ZNF804B: variants seen among roughly 807,000 people sequenced by gnomAD.
ZNF804B encodes the protein zinc finger protein 804B.
In ZNF804B, 80 loss-of-function variants were observed where a neutral mutation model predicts 101.4. The ratio of observed to expected loss-of-function variants is 0.79; its 90% CI spans 0.66 to 0.95. ZNF804B has a LOEUF of 0.95. ZNF804B is among the 40% of genes least tolerant of loss of function. The pLI is 0.00. For missense variants in ZNF804B, 1,673 were observed against 1,561.9 expected (o/e 1.07, Z -1.20); for synonymous variants, 622 against 558.8 (o/e 1.11, Z -1.59).
At chr7:89,314,487 C>G (rs577747670) in intron 2 of ZNF804B, among the ~76,000 whole-genome samples, 1 of 152,174 alleles carries the variant, frequency 6.6e-6, no homozygotes, top group Non-Finnish European at 1.5e-5. Flanking sequence ...GTCAAGCATT[C>G]TTTGCACATC....
chr7:88,839,929 T>G (rs1562808227), intron 1 of ZNF804B, among the ~76,000 whole-genome samples: 1 of 152,172 alleles, frequency 6.6e-6, no homozygotes, highest in African/African-American at 2.4e-5. Flanking sequence ...ACTGGGACTA[T>G]TTTTAGTTTG....
chr7:89,054,725 T>G (rs1264555979), intron 1 of ZNF804B, among the ~76,000 whole-genome samples: 1 of 152,110 alleles, frequency 6.6e-6, no homozygotes, highest in Non-Finnish European at 1.5e-5. Flanking sequence ...TATTTATTTA[T>G]TTTTGGAGTG....
Position 89,336,659 on chromosome 7 carries a change from A to G in ZNF804B, c.3677A>G (p.His1226Arg), listed in dbSNP as rs898952424. ...HFAVSASLSSHSSHLPIAHLH... is the reference protein window; with the variant it reads ...HFAVSASLSSRSSHLPIAHLH... ...GCTGTTTCTGCTTCCTTAAGTTCTCATAGCAGTCACCTCCCTATTGCTCAT... is the reference window on the plus strand; with the variant it reads ...GCTGTTTCTGCTTCCTTAAGTTCTCGTAGCAGTCACCTCCCTATTGCTCAT... The change falls in exon 4 of 4, where the codon CAT (histidine) becomes CGT (arginine). Residue 1226 changes from histidine (H) to arginine (R), a missense_variant. Transcript: ENST00000333190. 7 of 1,613,926 alleles carry G rather than the reference A, an allele frequency of 4.3e-6. No individual in the cohort carries two copies. Among genetic ancestry groups the G allele is most frequent in the Admixed American group, 1.7e-5 (1 of 59,970 alleles).
intron 1 of ZNF804B, among the ~76,000 whole-genome samples, chr7:88,760,915 A>C (rs1275787046): frequency 6.8e-6 from 1 of 146,860 alleles, no homozygotes; most frequent in Non-Finnish European, 1.5e-5. Flanking sequence ...TATATATAAT[A>C]AATATATATA....
intron 2 of ZNF804B, among the ~76,000 whole-genome samples, chr7:89,312,576 C>A (rs1429519125): frequency 6.6e-6 from 1 of 152,218 alleles, no homozygotes; most frequent in East Asian, 1.9e-4. Context: ...GCATTTATTC[C>A]AGCAATGTCA....
chr7:88,956,455 C>T (rs886640508), intron 1 of ZNF804B, among the ~76,000 whole-genome samples: 2 of 151,446 alleles, frequency 1.3e-5, no homozygotes, highest in Non-Finnish European at 3.0e-5. Context: ...TAGCACCTTG[C>T]TTATCACTAA....
chr7:89,183,850 C>A (rs1018944222), intron 1 of ZNF804B, among the ~76,000 whole-genome samples: 2 of 152,076 alleles, frequency 1.3e-5, no homozygotes, highest in Non-Finnish European at 2.9e-5. Context: ...AGGATCTTGT[C>A]GGGAGGCATG....
intron 2 of ZNF804B, among the ~76,000 whole-genome samples, chr7:89,292,890 A>C (rs1006789034): frequency 3.3e-5 from 5 of 152,036 alleles, no homozygotes; most frequent in African/African-American, 1.2e-4. Flanking sequence ...AAAACTCAGG[A>C]ACAAATTTAA....
In ZNF804B at chr7:89,206,911, C is replaced by T. The variant is rs183380246; in HGVS notation, c.109-11244C>T. On this transcript the variant is annotated intron_variant, in intron 1 of 3. Transcript: ENST00000333190. ...GTTTCACAAATCCCTATGGCAGGAG[C>T]AAAGTGCTGCCAGTCTCTTTGCTAA... is the stretch of plus-strand genomic sequence containing the variant. Among the ~76,000 whole-genome samples, 74 of 152,300 alleles carry T rather than the reference C, an allele frequency of 4.9e-4. 1 individual carries two copies. In the East Asian group the frequency reaches 0.011, roughly 22 times the overall value.
At chr7:89,285,546 A>AAAAAAAAAAAAGAAG (rs1554389597) in intron 2 of ZNF804B, among the ~76,000 whole-genome samples, 1 of 93,450 alleles carries the variant, frequency 1.1e-5, no homozygotes, top group Non-Finnish European at 2.1e-5. Flanking sequence ...AAAAAAAAAA[A>AAAAAAAAAAAAGAAG]AAGAAGAAGA....
At chr7:88,871,640 C>T (rs980180086) in intron 1 of ZNF804B, among the ~76,000 whole-genome samples, 3 of 151,982 alleles carry the variant, frequency 2.0e-5, no homozygotes, top group African/African-American at 7.3e-5. Flanking sequence ...GCTATTGTAG[C>T]ATTTTTCCAT....
At chr7:89,103,456 G>A (rs1790090984) in intron 1 of ZNF804B, among the ~76,000 whole-genome samples, 1 of 150,108 alleles carries the variant, frequency 6.7e-6, no homozygotes, top group Non-Finnish European at 1.5e-5. Flanking sequence ...TTGGTTAAAT[G>A]TATTTCTAGG....
At chr7:89,249,622 G>C (rs1410144099) in intron 2 of ZNF804B, among the ~76,000 whole-genome samples, 4 of 152,062 alleles carry the variant, frequency 2.6e-5, no homozygotes, top group Admixed American at 2.6e-4. Context: ...AAATCTCTGG[G>C]ATGCAGCAAA....
intron 1 of ZNF804B, among the ~76,000 whole-genome samples, chr7:89,097,329 T>C (rs918317682): frequency 6.6e-6 from 1 of 152,210 alleles, no homozygotes; most frequent in Non-Finnish European, 1.5e-5. Flanking sequence ...ATGTTTGTAA[T>C]ATACATAAAT....
At chr7:89,176,579 C>CTTTTTTTTTTTTTTTTTT in intron 1 of ZNF804B, among the ~76,000 whole-genome samples, 1 of 62,684 alleles carries the variant, frequency 1.6e-5, no homozygotes, top group Non-Finnish European at 3.2e-5. Context: ...TTTTTTCTTT[C>CTTTTTTTTTTTTTTTTTT]TTTCTTTCTT....
At chr7:89,006,856 T>A (rs1401030643) in intron 1 of ZNF804B, among the ~76,000 whole-genome samples, 1 of 152,048 alleles carries the variant, frequency 6.6e-6, no homozygotes, top group Non-Finnish European at 1.5e-5. Context: ...TTTCTTAGGG[T>A]GCTAACAATG....
chr7:88,808,120 G>T (rs1045791857), intron 1 of ZNF804B, among the ~76,000 whole-genome samples: 1 of 152,046 alleles, frequency 6.6e-6, no homozygotes, highest in African/African-American at 2.4e-5. Flanking sequence ...GGCCAGGCAC[G>T]GTGGCTCATG....
intron 2 of ZNF804B, among the ~76,000 whole-genome samples, chr7:89,248,701 C>T (rs1789489045): frequency 6.6e-6 from 1 of 151,990 alleles, no homozygotes; most frequent in South Asian, 2.1e-4. Context: ...AAGTACCTAG[C>T]CCACAGCCCC....
intron 1 of ZNF804B, among the ~76,000 whole-genome samples, chr7:88,955,090 T>A (rs1455203081): frequency 7.2e-6 from 1 of 138,136 alleles, no homozygotes; most frequent in African/African-American, 2.7e-5. Flanking sequence ...TGAGCCCTTG[T>A]CTCTATTTAA....
Sources: allele counts gnomAD v4.1 joint callset (sites outside exome capture counted in the v4.1 genomes callset), GRCh38; gene constraint gnomAD v4.1.1; transcripts MANE v1.5; gene names NCBI Gene and HGNC (gene_info 2026-07-23, HGNC 2026-07-21).